The following VPS50 variants were observed in gnomAD, a reference collection of about 807,000 sequenced individuals.
VPS50 encodes syndetin.
VPS50 carries 70 observed loss-of-function variants against 139.7 expected under a neutral mutation model. That is an observed-to-expected ratio of 0.50 (90% CI 0.41 to 0.61). The LOEUF (loss-of-function observed/expected upper bound fraction) is 0.61, where lower values mean the gene tolerates loss of function less well. VPS50 is among the 20% of genes least tolerant of loss of function. VPS50 has a pLI of 0.00. For synonymous variants in VPS50, 365 were observed against 376.7 expected (o/e 0.97, Z 0.36); for missense variants, 921 against 1,133.7 (o/e 0.81, Z 2.69).
chr7:93,330,457 T>C (rs75937800), intron 21 of VPS50, among the ~76,000 whole-genome samples: 64 of 152,122 alleles, frequency 4.2e-4, no homozygotes, highest in African/African-American at 1.5e-3. Context: ...AGACATACTT[T>C]AAATATAAAA....
At chr7:93,321,584 C>T (rs917059999) in intron 20 of VPS50, among the ~76,000 whole-genome samples, 3 of 152,146 alleles carry the variant, frequency 2.0e-5, no homozygotes, top group Non-Finnish European at 2.9e-5. Context: ...GCCTTCAAAA[C>T]GCGTTTGTTG....
At chr7:93,328,735 T>G (rs1292185806) in intron 21 of VPS50, among the ~76,000 whole-genome samples, 1 of 151,984 alleles carries the variant, frequency 6.6e-6, no homozygotes, top group Non-Finnish European at 1.5e-5. Context: ...AAACCTGAAG[T>G]TTTTATGGAC....
At chr7:93,247,990 G>A (rs965186232) in intron 2 of VPS50, among the ~76,000 whole-genome samples, 1 of 151,996 alleles carries the variant, frequency 6.6e-6, no homozygotes, top group African/African-American at 2.4e-5. Flanking sequence ...ACCATTGACA[G>A]CAAGTTGTGT....
chr7:93,255,603 T>A (rs1795461831), intron 4 of VPS50, among the ~76,000 whole-genome samples: 1 of 152,234 alleles, frequency 6.6e-6, no homozygotes, highest in Non-Finnish European at 1.5e-5. Context: ...TATTTCTTCA[T>A]TAATTAAAGT....
At chr7:93,283,661 T>A (rs978400806) in intron 12 of VPS50, among the ~76,000 whole-genome samples, 1 of 152,164 alleles carries the variant, frequency 6.6e-6, no homozygotes. Flanking sequence ...AGAGGTAGAA[T>A]AAGAAAAGGT....
chr7:93,271,272 A>G lies in VPS50; in HGVS notation c.702+10A>G, dbSNP rs934243214. 2 of 1,554,094 alleles carry G rather than the reference A, an allele frequency of 1.3e-6. No individual in the cohort carries two copies. The highest frequency in any genetic ancestry group is 2.4e-5 in the East Asian group (1 of 41,856). The stretch of plus-strand genomic sequence containing the variant: ...TTTGGAACAGATTGAGGTAAGAAGT[A>G]TTATATCCTAACCTTAATGAGTTTT... On this transcript the variant is annotated intron_variant, in intron 10 of 27. Transcript: ENST00000305866.
At chr7:93,328,919 G>A (rs1036382027) in intron 21 of VPS50, among the ~76,000 whole-genome samples, 8 of 151,984 alleles carry the variant, frequency 5.3e-5, no homozygotes, top group African/African-American at 1.9e-4. Flanking sequence ...CTGCAGCCCA[G>A]TGAAAGAAAA....
chr7:93,287,526 T>A (rs1453578943), intron 12 of VPS50, among the ~76,000 whole-genome samples: 1 of 152,034 alleles, frequency 6.6e-6, no homozygotes, highest in Non-Finnish European at 1.5e-5. Context: ...TTTGTTAAAC[T>A]GTGACAAGTA....
At chr7:93,277,591 G>A (rs1472925123) in intron 12 of VPS50, among the ~76,000 whole-genome samples, 1 of 152,152 alleles carries the variant, frequency 6.6e-6, no homozygotes, top group African/African-American at 2.4e-5. Flanking sequence ...TATCCTGGAA[G>A]GGTGTGATTA....
chr7:93,305,747 A>C, intron 17 of VPS50, 81 bp from the exon 18 acceptor site: 1 of 940,968 alleles, frequency 1.1e-6, no homozygotes, highest in South Asian at 1.4e-5. Flanking sequence ...TACTAACTCT[A>C]CATGTATATT....
chr7:93,308,949 G>C lies in VPS50; in HGVS notation c.1748+7G>C. On this transcript the variant is annotated splice_region_variant and intron_variant, in intron 19 of 27. Coordinates refer to ENST00000305866, the MANE Select transcript of VPS50 (RefSeq NM_017667.4). ...GAGATGGTCCTGTGAAAAGGTGATT[G>C]TTCTTAAATTGTGTGGTATTTAGCA... 1 of 1,403,672 alleles carries C rather than the reference G, an allele frequency of 7.1e-7. No homozygotes were observed. The highest frequency in any genetic ancestry group is 1.0e-6 in the Non-Finnish European group (1 of 990,856). The allele number at this position is 1,403,672 out of a possible 1,614,324, so 87.0% of individuals were successfully genotyped here. A position where few individuals can be genotyped will look rare whatever the true frequency, so the allele number is the denominator to read the frequency against.
At chr7:93,259,976 G>C (rs967047641) in intron 9 of VPS50, among the ~76,000 whole-genome samples, 1 of 152,094 alleles carries the variant, frequency 6.6e-6, no homozygotes, top group Middle Eastern at 3.2e-3. Context: ...ACTTTGCCCA[G>C]CTTATAAATA....
intron 12 of VPS50, among the ~76,000 whole-genome samples, chr7:93,284,726 T>C (rs1169874563): frequency 6.6e-6 from 1 of 152,192 alleles, no homozygotes; most frequent in African/African-American, 2.4e-5. Context: ...AGAGGGACTC[T>C]AGGAGATTTG....
intron 2 of VPS50, among the ~76,000 whole-genome samples, chr7:93,244,097 A>G (rs957157715): frequency 1.3e-5 from 2 of 151,868 alleles, no homozygotes; most frequent in Admixed American, 1.3e-4. Flanking sequence ...AGAAAAATAT[A>G]GGATGAGGTG....
intron 2 of VPS50, chr7:93,246,255 T>G: frequency 1.5e-6 from 1 of 672,768 alleles, no homozygotes; most frequent in Non-Finnish European, 2.6e-6. Context: ...AAATCATGCT[T>G]GTAAAATTTC....
intron 25 of VPS50, among the ~76,000 whole-genome samples, chr7:93,352,354 G>A (rs553107483): frequency 6.6e-6 from 1 of 152,270 alleles, no homozygotes; most frequent in African/African-American, 2.4e-5. Flanking sequence ...TAAATTTTGT[G>A]AATTGACAAT....
At chr7:93,242,826 G>A (rs1268514435) in intron 2 of VPS50, among the ~76,000 whole-genome samples, 1 of 151,866 alleles carries the variant, frequency 6.6e-6, no homozygotes. Context: ...ACATGAAAAG[G>A]TTCCAGTATA....
intron 17 of VPS50, among the ~76,000 whole-genome samples, chr7:93,305,027 G>C (rs1797077027): frequency 6.6e-6 from 1 of 151,826 alleles, no homozygotes; most frequent in Non-Finnish European, 1.5e-5. Context: ...CATTGAAAAT[G>C]AATAAATTTA....
At chr7:93,254,694 G>A (rs1222727110) in intron 4 of VPS50, among the ~76,000 whole-genome samples, 8 of 152,164 alleles carry the variant, frequency 5.3e-5, no homozygotes, top group African/African-American at 1.9e-4. Flanking sequence ...TCAGTAAAGT[G>A]ATAGGCTTGC....
Sources: allele counts gnomAD v4.1 joint callset (sites outside exome capture counted in the v4.1 genomes callset), GRCh38; gene constraint gnomAD v4.1.1; transcripts MANE v1.5; gene names NCBI Gene and HGNC (gene_info 2026-07-23, HGNC 2026-07-21).